The following ZNF521 variants were observed in gnomAD, a reference collection of about 807,000 sequenced individuals.
ZNF521 encodes the protein zinc finger protein 521.
In ZNF521, 14 loss-of-function variants were observed where a neutral mutation model predicts 105.5. That is an observed-to-expected ratio of 0.13 (90% CI 0.09 to 0.21). The LOEUF (loss-of-function observed/expected upper bound fraction) is 0.21, where lower values mean the gene tolerates loss of function less well. Among genes scored for constraint, ZNF521 ranks in the 10% least tolerant of loss-of-function variants. The pLI is 1.00. For missense variants in ZNF521, 1,233 were observed against 1,629.7 expected (o/e 0.76, Z 4.19); for synonymous variants, 635 against 606.0 (o/e 1.05, Z -0.70).
chr18:25,210,516 C>A (rs905439353), intron 4 of ZNF521, among the ~76,000 whole-genome samples: 2 of 152,174 alleles, frequency 1.3e-5, no homozygotes, highest in African/African-American at 4.8e-5. Flanking sequence ...TAGGACTTCG[C>A]CTGCCACTCA....
Position 25,225,530 on chromosome 18 carries a change from C to T in ZNF521, c.2388G>A (p.Val796=), listed in dbSNP as rs781503657. 3.7e-6 allele frequency: 6 copies of T among 1,614,080 alleles called. No homozygotes were observed. In the Admixed American group the frequency reaches 8.3e-5, roughly 22 times the overall value. ...IFCGESFGTE[V]ELQCHITTHS... is the part of the protein sequence containing the mutation. ...GAGTGGTGATGTGGCATTGCAGCTC[C>T]ACCTCGGTGCCAAAGGACTCACCGC... is the stretch of plus-strand genomic sequence containing the variant. Residue 796 remains valine (V), a synonymous_variant, in exon 4 of 8, where the codon GTG becomes GTA. Transcript: ENST00000361524. This position sits in a 1 kb window ranked among gnomAD's most constrained non-coding sequence, Gnocchi z 5.6.
At chr18:25,308,134 G>A (rs1161466423) in intron 3 of ZNF521, among the ~76,000 whole-genome samples, 1 of 149,634 alleles carries the variant, frequency 6.7e-6, no homozygotes, top group Non-Finnish European at 1.5e-5. Flanking sequence ...CCCGGCAGGC[G>A]GAGGTTGCAA....
intron 3 of ZNF521, among the ~76,000 whole-genome samples, chr18:25,301,771 G>C (rs1185077933): frequency 6.6e-6 from 1 of 152,182 alleles, no homozygotes; most frequent in African/African-American, 2.4e-5. Context: ...GGGGTAAGGA[G>C]GGGATGTTTG....
intron 5 of ZNF521, among the ~76,000 whole-genome samples, chr18:25,167,117 G>A (rs1484308521): frequency 6.6e-6 from 1 of 152,148 alleles, no homozygotes; most frequent in East Asian, 1.9e-4. Context: ...TAGTTCATCT[G>A]AATGGGTACT....
intron 5 of ZNF521, among the ~76,000 whole-genome samples, chr18:25,155,488 T>G (rs568676134): frequency 1.3e-5 from 2 of 152,308 alleles, no homozygotes; most frequent in South Asian, 4.1e-4. Flanking sequence ...CAAGAAATCA[T>G]TACCAAAGCC....
At chr18:25,231,039 G>A (rs1375447067) in intron 3 of ZNF521, among the ~76,000 whole-genome samples, 1 of 152,170 alleles carries the variant, frequency 6.6e-6, no homozygotes, top group Non-Finnish European at 1.5e-5. Flanking sequence ...TCTCCAAGCA[G>A]ACAGGAATGC....
chr18:25,086,365 C>CAATTTGGGT (rs2033623248), intron 7 of ZNF521, among the ~76,000 whole-genome samples: 1 of 151,914 alleles, frequency 6.6e-6, no homozygotes, highest in African/African-American at 2.4e-5. Flanking sequence ...GGTATAAATG[C>CAATTTGGGT]AATTTGGGTA....
Position 25,153,421 on chromosome 18 carries a change from G to A in ZNF521, c.3658+41739C>T, listed in dbSNP as rs142437006. On this transcript the variant is annotated intron_variant, in intron 5 of 7. Transcript: ENST00000361524. ...CCTTCTGGTACTGGGATAATGAGAA[G>A]CTTGACAACATGGCTTCAGGTTGGA... Among the ~76,000 whole-genome samples the A allele has an allele frequency of 3.1e-3, 467 of 152,274 alleles. 3 individuals carry two copies. The highest frequency in any genetic ancestry group is 0.011 in the African/African-American group (446 of 41,536).
chr18:25,108,039 G>C (rs1287058344), intron 5 of ZNF521, among the ~76,000 whole-genome samples: 1 of 152,222 alleles, frequency 6.6e-6, no homozygotes, highest in Non-Finnish European at 1.5e-5. Context: ...CTTAGAGCTA[G>C]AATTTAGAAG....
At chr18:25,125,800 C>T (rs1450621214) in intron 5 of ZNF521, among the ~76,000 whole-genome samples, 2 of 151,114 alleles carry the variant, frequency 1.3e-5, no homozygotes, top group African/African-American at 2.4e-5. Flanking sequence ...AAGAAATAAA[C>T]TTGCTTGCTA....
chr18:25,263,556 C>A (rs779591920), intron 3 of ZNF521, among the ~76,000 whole-genome samples: 3 of 151,524 alleles, frequency 2.0e-5, no homozygotes, highest in Non-Finnish European at 2.9e-5. Context: ...CGGAGCTTCA[C>A]CATGTAGGTC....
At chr18:25,186,529 G>A (rs908490103) in intron 5 of ZNF521, among the ~76,000 whole-genome samples, 1 of 152,110 alleles carries the variant, frequency 6.6e-6, no homozygotes, top group Non-Finnish European at 1.5e-5. Flanking sequence ...ATGTTGTCAG[G>A]TAATCATGAA....
chr18:25,259,748 G>A (rs1908780170), intron 3 of ZNF521, among the ~76,000 whole-genome samples: 1 of 152,206 alleles, frequency 6.6e-6, no homozygotes, highest in South Asian at 2.1e-4. Context: ...AGGATAGTCA[G>A]AAGACAGACA....
At chr18:25,176,809 C>T (rs957560330) in intron 5 of ZNF521, among the ~76,000 whole-genome samples, 6 of 152,246 alleles carry the variant, frequency 3.9e-5, no homozygotes, top group Non-Finnish European at 7.3e-5. Flanking sequence ...AAAGATGAAA[C>T]TGCTCCCGGA....
intron 3 of ZNF521, among the ~76,000 whole-genome samples, chr18:25,301,420 T>A (rs1911634848): frequency 6.6e-6 from 1 of 152,164 alleles, no homozygotes; most frequent in Non-Finnish European, 1.5e-5. Context: ...TACACACCTA[T>A]TACATACTCA....
At chr18:25,097,619 C>A (rs1261124854) in intron 5 of ZNF521, among the ~76,000 whole-genome samples, 1 of 152,044 alleles carries the variant, frequency 6.6e-6, no homozygotes, top group Non-Finnish European at 1.5e-5. Flanking sequence ...GAGACTCTTA[C>A]AATAAGAGGA....
intron 3 of ZNF521, among the ~76,000 whole-genome samples, chr18:25,250,561 A>G (rs892275851): frequency 5.3e-5 from 8 of 152,188 alleles, no homozygotes; most frequent in African/African-American, 1.9e-4. Context: ...TCTTTCACCT[A>G]TTGGCCTTAG....
At position 25,224,517 on chromosome 18, in the gene ZNF521, C is replaced by T; in HGVS notation, c.3401G>A (p.Gly1134Glu). Residue 1134 changes from glycine to glutamate, a missense_variant, in exon 4 of 8, where the codon GGG becomes GAG. Transcript: ENST00000361524. Reference sequence around the variant, plus strand: ...GCTAGAGCAGCGTGTCTTCAGTCCCCCCACCTTGCCTTTCCCCTCAATGGC... The same window carrying T: ...GCTAGAGCAGCGTGTCTTCAGTCCCTCCACCTTGCCTTTCCCCTCAATGGC... ...LSAIEGKGKV[G>E]GLKTRCSSCN... The T allele has an allele frequency of 6.2e-7, 1 of 1,613,964 alleles. No homozygotes were observed. Among genetic ancestry groups the T allele is most frequent in the Non-Finnish European group, 8.5e-7 (1 of 1,179,974 alleles).
chr18:25,176,866 C>T (rs971536500), intron 5 of ZNF521, among the ~76,000 whole-genome samples: 9 of 152,246 alleles, frequency 5.9e-5, no homozygotes, highest in African/African-American at 1.9e-4. Context: ...TGCGCGTGCA[C>T]GCACACACTC....
Sources: allele counts gnomAD v4.1 joint callset (sites outside exome capture counted in the v4.1 genomes callset), GRCh38; gene constraint gnomAD v4.1.1; non-coding constraint Gnocchi (gnomAD v3.1); transcripts MANE v1.5; gene names NCBI Gene and HGNC (gene_info 2026-07-23, HGNC 2026-07-21).